PLEKHG2: variants seen among roughly 807,000 people sequenced by gnomAD.
PLEKHG2 encodes pleckstrin homology and RhoGEF domain containing G2, also known as pleckstrin homology domain-containing family G member 2.
PLEKHG2 carries 71 observed loss-of-function variants against 104.4 expected under a neutral mutation model. That is an observed-to-expected ratio of 0.68 (90% CI 0.56 to 0.83). PLEKHG2 has a LOEUF of 0.83. Ranked by LOEUF, PLEKHG2 falls within the 40% of genes least tolerant of loss-of-function variation. The pLI is 0.00. For missense variants in PLEKHG2, 1,730 were observed against 1,809.4 expected (o/e 0.96, Z 0.80); for synonymous variants, 728 against 737.0 (o/e 0.99, Z 0.20).
intron 17 of PLEKHG2, 152 bp downstream of exon 17, chr19:39,422,440 C>T (rs2078714075): frequency 3.2e-6 from 3 of 940,528 alleles, no homozygotes; most frequent in African/African-American, 1.7e-5. Context: ...TGCAGTGGCG[C>T]CATCTCGGCT....
chr19:39,418,020 G>T lies in PLEKHG2; in HGVS notation c.998G>T (p.Gly333Val), dbSNP rs1023299965. 9 of 1,561,292 alleles carry T rather than the reference G, an allele frequency of 5.8e-6. No homozygotes were observed. The highest frequency in any genetic ancestry group is 7.8e-6 in the Non-Finnish European group (9 of 1,154,530). ...GGGGGPRLRG[G>V]ERLLFLFSRM... The stretch of plus-strand genomic sequence containing the variant: ...GGGGGTGGCCCCCGGCTACGAGGGG[G>T]TGAGCGGCTGCTCTTCCTGTTCTCT... Residue 333 changes from glycine (G) to valine (V), a missense_variant, in exon 9 of 19, where the codon GGT (glycine) becomes GTT (valine). By Grantham distance (109) the Gly-to-Val change is moderately radical (BLOSUM62 -3). Transcript: ENST00000425673.
At chr19:39,421,259 T>C (rs371352790) in intron 15 of PLEKHG2, 24 bp from the exon 16 acceptor site, 1 of 1,613,714 alleles carries the variant, frequency 6.2e-7, no homozygotes, top group East Asian at 2.2e-5. Flanking sequence ...AATGCTTCTC[T>C]CTCTCTCATC....
rs1348094698 is a variant in PLEKHG2, at chr19:39,427,595, G to A, written c.*2301G>A. ...TCCGCCCACCTCGGCCTCCCAAAGT[G>A]TTGGGTTTACAGGCGTGAGCTACCA... On this transcript the variant is annotated 3_prime_UTR_variant, in exon 19 of 19. Transcript: ENST00000425673. 1.3e-5 allele frequency: 2 copies of A among 152,202 alleles called. No homozygotes were observed. Among genetic ancestry groups the A allele is most frequent in the African/African-American group, 4.8e-5 (2 of 41,440 alleles). 9.4% of individuals were successfully genotyped at this position (152,202 alleles called of 1,614,324 possible). A position where few individuals can be genotyped will look rare whatever the true frequency, so the allele number is the denominator to read the frequency against.
Position 39,423,460 on chromosome 19 carries a change from C to G in PLEKHG2, c.2406C>G (p.Ser802Arg). Residue 802 changes from serine to arginine, a missense_variant, in exon 18 of 19, where the codon AGC becomes AGG. Transcript: ENST00000425673. Reference sequence around the variant, plus strand: ...CGGATCTGGGTGGAGACAGCGGGAGCGGGAAGGCAGGAGCCCCGAGTTCAG... The same window carrying G: ...CGGATCTGGGTGGAGACAGCGGGAGGGGGAAGGCAGGAGCCCCGAGTTCAG... ...EDSDLGGDSG[S>R]GKAGAPSSER... 2.5e-6 allele frequency: 4 copies of G among 1,603,016 alleles called. No individual in the cohort carries two copies. The highest frequency in any genetic ancestry group is 3.4e-6 in the Non-Finnish European group (4 of 1,173,056).
At chr19:39,420,531 G>T in intron 11 of PLEKHG2, 95 bp from the exon 12 acceptor site, 6 of 1,521,140 alleles carry the variant, frequency 3.9e-6, no homozygotes, top group Non-Finnish European at 4.6e-6. Flanking sequence ...AACAAAAACA[G>T]CACCCATTAA....
chr19:39,422,720 T>A lies in PLEKHG2; in HGVS notation c.1678-12T>A, dbSNP rs781324169. On this transcript the variant is annotated splice_polypyrimidine_tract_variant and intron_variant, in intron 17 of 18. Coordinates refer to ENST00000425673, the MANE Select transcript of PLEKHG2 (RefSeq NM_022835.3). Reference sequence around the variant, plus strand: ...CTGATATGTTTGGCTTGTTCTCCTGTGCCCACTATAGCCGTCCACCCATGA... The same window carrying A: ...CTGATATGTTTGGCTTGTTCTCCTGAGCCCACTATAGCCGTCCACCCATGA... 4.6e-6 allele frequency: 7 copies of A among 1,515,140 alleles called. No homozygotes were observed. The highest frequency in any genetic ancestry group is 5.3e-6 in the Non-Finnish European group (6 of 1,133,514). 93.9% of individuals were successfully genotyped at this position (1,515,140 alleles called of 1,614,324 possible). A position where few individuals can be genotyped will look rare whatever the true frequency, so the allele number is the denominator to read the frequency against.
At position 39,423,073 on chromosome 19, in the gene PLEKHG2, C is replaced by T; in HGVS notation, c.2019C>T (p.Ala673=). The T allele has an allele frequency of 6.2e-7, 1 of 1,614,190 alleles. No homozygotes were observed. Among genetic ancestry groups the T allele is most frequent in the Non-Finnish European group, 8.5e-7 (1 of 1,180,042 alleles). ...SDVFEMPCLP[A]IPSVPNTPSL... ...TTTTTGAGATGCCCTGCCTTCCAGCCATACCTAGTGTCCCCAACACCCCCA... is the reference window on the plus strand; with the variant it reads ...TTTTTGAGATGCCCTGCCTTCCAGCTATACCTAGTGTCCCCAACACCCCCA... Residue 673 remains alanine, a synonymous_variant, in exon 18 of 19, where the codon GCC becomes GCT. Coordinates refer to ENST00000425673, the MANE Select transcript of PLEKHG2 (RefSeq NM_022835.3).
In PLEKHG2 at chr19:39,418,754, C is replaced by T. The variant is rs146672674; in HGVS notation, c.1104C>T (p.Ser368=). ...TCCAGTGCTGCAACCTGAGCGTGAG[C>T]GAGAGTCCCCGAGACCCTCTAGGGT... ...GHIFCCNLSV[S]ESPRDPLGFK... is the part of the protein sequence containing the mutation. The change falls in exon 10 of 19, where the codon AGC becomes AGT. Residue 368 remains serine (S), a synonymous_variant. Coordinates refer to ENST00000425673, the MANE Select transcript of PLEKHG2 (RefSeq NM_022835.3). 3.5e-4 allele frequency: 560 copies of T among 1,612,952 alleles called. No homozygotes were observed. Among genetic ancestry groups the T allele is most frequent in the African/African-American group, 6.4e-4 (48 of 74,980 alleles).
At position 39,416,890 on chromosome 19, in the gene PLEKHG2, G is replaced by A. The variant is rs1334432399; in HGVS notation, c.634G>A (p.Ala212Thr). ...LLRELSLSPP[A>T]ALWLQERQAQ... Reference sequence around the variant, plus strand: ...CCGGGAGCTGTCGTTGTCTCCGCCAGCAGCCCTGTGGCTGCAGGAGCGCCA... The same window carrying A: ...CCGGGAGCTGTCGTTGTCTCCGCCAACAGCCCTGTGGCTGCAGGAGCGCCA... The change falls in exon 7 of 19, where the codon GCA becomes ACA. Residue 212 changes from alanine (A) to threonine (T), a missense_variant. Transcript: ENST00000425673. The surrounding 1 kb of genome is among the most constrained non-coding windows in gnomAD (Gnocchi z 4.5). 6.2e-7 allele frequency: 1 copy of A among 1,612,466 alleles called. No homozygotes were observed. The highest frequency in any genetic ancestry group is 1.1e-5 in the South Asian group (1 of 90,938).
At chr19:39,414,682 T>G (rs2078573037) in intron 2 of PLEKHG2, among the ~76,000 whole-genome samples, 1 of 152,058 alleles carries the variant, frequency 6.6e-6, no homozygotes, top group South Asian at 2.1e-4. Context: ...TCTGAGGAGT[T>G]TGGACTTTAT....
Position 39,422,822 on chromosome 19 carries a change from G to A in PLEKHG2, c.1768G>A (p.Asp590Asn), listed in dbSNP as rs747839397. The A allele has an allele frequency of 2.6e-6, 4 of 1,552,846 alleles. No homozygotes were observed. The highest frequency in any genetic ancestry group is 3.5e-6 in the Non-Finnish European group (4 of 1,149,130). ...CACATTCCAAGCCCTGCCCAGCCGG[G>A]ACTCTTCAGAAGAGGAGGAGGAGGA... Reference protein sequence around the residue: ...TLTFQALPSRDSSEEEEEEEE... With the variant: ...TLTFQALPSRNSSEEEEEEEE... Residue 590 changes from aspartate to asparagine, a missense_variant, in exon 18 of 19, where the codon GAC (aspartate) becomes AAC (asparagine). Transcript: ENST00000425673.
In PLEKHG2 at chr19:39,416,384, C is replaced by CG. The variant is rs1568390312; in HGVS notation, c.521dup (p.Ile175TyrfsTer13). 1.9e-6 allele frequency: 3 copies of CG among 1,612,676 alleles called. No homozygotes were observed. Among genetic ancestry groups the CG allele is most frequent in the Non-Finnish European group, 2.5e-6 (3 of 1,179,684 alleles). On this transcript the variant is annotated frameshift_variant, in exon 5 of 19. Transcript: ENST00000425673. LOFTEE classifies it high-confidence loss of function. This position sits in a 1 kb window ranked among gnomAD's most constrained non-coding sequence, Gnocchi z 4.5. Reference sequence around the variant, plus strand: ...AGGACTTGGAGAACAGCAGCAGCGCCGGGGGTATTGCCGAGTGCTTCGTGC... The same window carrying CG: ...AGGACTTGGAGAACAGCAGCAGCGCCGGGGGGTATTGCCGAGTGCTTCGTGC...
intron 9 of PLEKHG2, 140 bp downstream of exon 9, chr19:39,418,245 T>G (rs1049220992): frequency 1.1e-5 from 8 of 753,196 alleles, no homozygotes; most frequent in Admixed American, 3.8e-5. Context: ...AGGGAAGCTT[T>G]CTTTCTAGTG....
intron 9 of PLEKHG2, 136 bp downstream of exon 9, chr19:39,418,241 G>A (rs948239982): frequency 6.4e-6 from 5 of 786,268 alleles, no homozygotes; most frequent in Admixed American, 3.8e-5. Flanking sequence ...GCCAAGGGAA[G>A]CTTTCTTTCT....
In PLEKHG2 at chr19:39,416,981, A is replaced by G. The variant is rs747299827; in HGVS notation, c.725A>G (p.Lys242Arg). The part of the protein sequence containing the change: ...FLLKPVQRIL[K>R]YHLLLQELGK... ...CTGAAACCTGTCCAGCGCATTCTCA[A>G]GTACCATCTGCTGCTGCAGGTCAGC... is the stretch of plus-strand genomic sequence containing the variant. The change falls in exon 7 of 19, where the codon AAG (lysine) becomes AGG (arginine). Residue 242 changes from lysine to arginine, a missense_variant. Transcript: ENST00000425673. The surrounding 1 kb of genome is among the most constrained non-coding windows in gnomAD (Gnocchi z 4.5). 1.2e-6 allele frequency: 2 copies of G among 1,609,510 alleles called. No homozygotes were observed. Among genetic ancestry groups the G allele is most frequent in the Admixed American group, 3.3e-5 (2 of 59,756 alleles).
chr19:39,415,398 C>CA lies in PLEKHG2; in HGVS notation c.439dup (p.Thr147AsnfsTer7). The CA allele has an allele frequency of 6.2e-7, 1 of 1,614,146 alleles. No homozygotes were observed. Reference sequence around the variant, plus strand: ...TGGGGCTGAGCGTGGAGCAGGTGGGCACGCTGTTTGCCAACATTGAGGACA... The same window carrying CA: ...TGGGGCTGAGCGTGGAGCAGGTGGGCAACGCTGTTTGCCAACATTGAGGACA... On this transcript the variant is annotated frameshift_variant, in exon 4 of 19. Coordinates refer to ENST00000425673, the MANE Select transcript of PLEKHG2 (RefSeq NM_022835.3). LOFTEE classifies it high-confidence loss of function. The surrounding 1 kb of genome is among the most constrained non-coding windows in gnomAD (Gnocchi z 4.6).
At chr19:39,417,116 TG>T in intron 7 of PLEKHG2, 116 bp downstream of exon 7, 1 of 1,270,488 alleles carries the variant, frequency 7.9e-7, no homozygotes, top group Non-Finnish European at 1.1e-6. Flanking sequence ...CCCAAAGTGC[TG>T]GGATTACAGG....
chr19:39,414,223 C>T (rs1600642943), intron 2 of PLEKHG2, 28 bp downstream of exon 2: 2 of 1,544,294 alleles, frequency 1.3e-6, no homozygotes, highest in Non-Finnish European at 1.8e-6. Flanking sequence ...GGCGGCGGAG[C>T]CTGTGGGGCT....
In PLEKHG2 at chr19:39,421,426, C is replaced by A; in HGVS notation, c.1503+127C>A. On this transcript the variant is annotated intron_variant, in intron 16 of 18. Coordinates refer to ENST00000425673, the MANE Select transcript of PLEKHG2 (RefSeq NM_022835.3). ...TGGGGCCAGACAGAGTAACTCATGC[C>A]TGTAATCTCAGTATTTTGGGAGGTC... 4 of 1,078,252 alleles carry A rather than the reference C, an allele frequency of 3.7e-6. No individual in the cohort carries two copies. In the South Asian group the frequency reaches 4.0e-5, roughly 11 times the overall value. 66.8% of individuals were successfully genotyped at this position (1,078,252 alleles called of 1,614,324 possible). A position where few individuals can be genotyped will look rare whatever the true frequency, so the allele number is the denominator to read the frequency against.
Sources: gnomAD v4.1 joint callset for allele counts (sites outside exome capture counted in the v4.1 genomes callset) on GRCh38, gnomAD v4.1.1 for gene constraint, Gnocchi (gnomAD v3.1) non-coding constraint, MANE v1.5 for transcripts, NCBI Gene and HGNC (gene_info 2026-07-23, HGNC 2026-07-21) for gene names.